CSMD1: variants seen among roughly 807,000 people sequenced by gnomAD.
The protein encoded by CSMD1 is CUB and sushi domain-containing protein 1.
A neutral mutation model predicts 417.5 loss-of-function variants in CSMD1; 213 were observed. That is an observed-to-expected ratio of 0.51 (90% CI 0.46 to 0.57). CSMD1 has a LOEUF of 0.57. Among genes scored for constraint, CSMD1 ranks in the 20% least tolerant of loss-of-function variants. The pLI is 0.00. For missense variants in CSMD1, 6,923 were observed against 4,529.7 expected (o/e 1.53, Z -15.17); for synonymous variants, 2,862 against 1,736.8 (o/e 1.65, Z -16.11).
At chr8:3,936,225 G>C (rs561064633) in intron 5 of CSMD1, among the ~76,000 whole-genome samples, 2 of 151,714 alleles carry the variant, frequency 1.3e-5, no homozygotes, top group Non-Finnish European at 2.9e-5. Flanking sequence ...AAAAGGGCAA[G>C]GTAAAGCAGC....
chr8:4,778,558 C>T (rs186860027), intron 1 of CSMD1, among the ~76,000 whole-genome samples: 1 of 152,228 alleles, frequency 6.6e-6, no homozygotes, highest in African/African-American at 2.4e-5. Context: ...CAATACTTCC[C>T]GCTAGGAAGA....
At chr8:4,844,813 G>A (rs1335421378) in intron 1 of CSMD1, among the ~76,000 whole-genome samples, 2 of 151,868 alleles carry the variant, frequency 1.3e-5, no homozygotes, top group East Asian at 3.9e-4. Context: ...CTCATTCACG[G>A]GACAATCCAA....
intron 2 of CSMD1, among the ~76,000 whole-genome samples, chr8:4,475,601 T>TTTTTTC (rs528527672): frequency 2.6e-5 from 4 of 152,012 alleles, no homozygotes; most frequent in Non-Finnish European, 4.4e-5. Context: ...TCTTAGGGTT[T>TTTTTTC]TTTTTCTTTT....
At chr8:3,172,629 T>C (rs953852265) in intron 37 of CSMD1, among the ~76,000 whole-genome samples, 1 of 152,132 alleles carries the variant, frequency 6.6e-6, no homozygotes, top group Non-Finnish European at 1.5e-5. Context: ...GTGGTGCACG[T>C]AGGGAACCTA....
intron 29 of CSMD1, 69 bp from the exon 30 acceptor site, chr8:3,214,760 G>A: frequency 5.4e-6 from 7 of 1,307,000 alleles, no homozygotes; most frequent in South Asian, 1.5e-5. Context: ...TTTGTTTGTT[G>A]GGTTGGTTCT....
intron 11 of CSMD1, among the ~76,000 whole-genome samples, chr8:3,487,657 G>A (rs1818132486): frequency 6.6e-6 from 1 of 152,168 alleles, no homozygotes; most frequent in African/African-American, 2.4e-5. Flanking sequence ...TAATGGAATT[G>A]CCAGATAGAA....
At chr8:3,495,181 G>GT (rs1477814146) in intron 10 of CSMD1, among the ~76,000 whole-genome samples, 3 of 152,154 alleles carry the variant, frequency 2.0e-5, no homozygotes, top group African/African-American at 7.2e-5. Flanking sequence ...CATGTTAAAC[G>GT]TAGCACCTGA....
chr8:3,041,948 T>A (rs1181937186), intron 50 of CSMD1, among the ~76,000 whole-genome samples: 4 of 152,180 alleles, frequency 2.6e-5, no homozygotes, highest in African/African-American at 9.6e-5. Context: ...TTTCAGAATA[T>A]GTTAGTGATT....
chr8:3,482,957 A>C (rs1316051552), intron 11 of CSMD1, among the ~76,000 whole-genome samples: 1 of 152,174 alleles, frequency 6.6e-6, no homozygotes, highest in Non-Finnish European at 1.5e-5. Context: ...AACATATAAA[A>C]ATATGTGGGA....
rs568318603 is a variant in CSMD1 at position 3,469,874 on chromosome 8, A to G, written c.1449-1050T>C. On this transcript the variant is annotated intron_variant, in intron 11 of 69. Coordinates refer to ENST00000635120, the MANE Select transcript of CSMD1 (RefSeq NM_033225.6). The stretch of plus-strand genomic sequence containing the variant: ...CTGTGAATGCTGTGTGGTTAACTAA[A>G]TATGTATTTCTTTCTGAAGATTTGT... 2.0e-4 allele frequency among the ~76,000 whole-genome samples: 30 copies of G among 152,322 alleles called. 1 individual carries two copies. The South Asian group carries it at 6.0e-3, about 30-fold the overall frequency.
Position 4,178,066 on chromosome 8 carries a change from A to C in CSMD1, c.416-145967T>G, listed in dbSNP as rs570177867. On this transcript the variant is annotated intron_variant, in intron 3 of 69. Coordinates refer to ENST00000635120, the MANE Select transcript of CSMD1 (RefSeq NM_033225.6). Reference sequence around the variant, plus strand: ...ATAAATAGAAAAAGAGGGCACCCTCACTAACTCATTTTATGAGGCCAGCAT... The same window carrying C: ...ATAAATAGAAAAAGAGGGCACCCTCCCTAACTCATTTTATGAGGCCAGCAT... Among the ~76,000 whole-genome samples, 247 of 152,246 alleles carry C rather than the reference A, an allele frequency of 1.6e-3. 2 individuals are homozygous for C. Among genetic ancestry groups the C allele is most frequent in the African/African-American group, 5.8e-3 (242 of 41,550 alleles).
chr8:4,380,331 T>C (rs768104177), intron 3 of CSMD1, among the ~76,000 whole-genome samples: 2 of 152,256 alleles, frequency 1.3e-5, no homozygotes, highest in Admixed American at 6.5e-5. Context: ...CCTCCTTACA[T>C]TGTCATGGGA....
chr8:3,951,224 C>G (rs1811574190), intron 5 of CSMD1, among the ~76,000 whole-genome samples: 1 of 152,152 alleles, frequency 6.6e-6, no homozygotes, highest in Admixed American at 6.5e-5. Context: ...GGGGACTGCA[C>G]AGGCGGGCAC....
intron 3 of CSMD1, among the ~76,000 whole-genome samples, chr8:4,154,252 G>A (rs537989060): frequency 1.3e-5 from 2 of 150,616 alleles, no homozygotes; most frequent in Non-Finnish European, 3.0e-5. Flanking sequence ...TAAAGTTTCT[G>A]GCAAACAGTA....
chr8:3,663,436 G>A (rs140351641), intron 7 of CSMD1, among the ~76,000 whole-genome samples: 13 of 152,212 alleles, frequency 8.5e-5, no homozygotes, highest in Non-Finnish European at 7.4e-5. Flanking sequence ...CAAGAGAACT[G>A]AGAGATTCAG....
At chr8:4,370,891 G>C (rs1298355553) in intron 3 of CSMD1, among the ~76,000 whole-genome samples, 1 of 152,100 alleles carries the variant, frequency 6.6e-6, no homozygotes, top group Non-Finnish European at 1.5e-5. Flanking sequence ...GAGCTCCATT[G>C]CCATCCAGAT....
chr8:4,214,038 G>C (rs1800482429), intron 3 of CSMD1, among the ~76,000 whole-genome samples: 2 of 152,138 alleles, frequency 1.3e-5, no homozygotes, highest in African/African-American at 4.8e-5. Context: ...TGGACAAAAA[G>C]GAAAATGCAA....
intron 3 of CSMD1, among the ~76,000 whole-genome samples, chr8:4,350,138 A>G (rs996459559): frequency 2.0e-5 from 3 of 152,176 alleles, no homozygotes; most frequent in Non-Finnish European, 4.4e-5. Context: ...ACTTCAGTCC[A>G]AATCATCAAA....
At chr8:3,332,415 G>A (rs910896497) in intron 23 of CSMD1, among the ~76,000 whole-genome samples, 8 of 152,224 alleles carry the variant, frequency 5.3e-5, no homozygotes, top group African/African-American at 1.9e-4. Flanking sequence ...GAATTAGCTG[G>A]GAAGAGGAGA....
Sources: allele counts gnomAD v4.1 joint callset (sites outside exome capture counted in the v4.1 genomes callset), GRCh38; gene constraint gnomAD v4.1.1; transcripts MANE v1.5; gene names NCBI Gene and HGNC (gene_info 2026-07-23, HGNC 2026-07-21).